RB1CC1: variants seen among roughly 807,000 people sequenced by gnomAD.
RB1CC1 encodes RB1 inducible coiled-coil 1.
In RB1CC1, 46 loss-of-function variants were observed where a neutral mutation model predicts 177.5. The observed-to-expected ratio is 0.26, with a 90% CI of 0.20 to 0.33. The LOEUF (loss-of-function observed/expected upper bound fraction) is 0.33, where lower values mean the gene tolerates loss of function less well. Among genes scored for constraint, RB1CC1 ranks in the 10% least tolerant of loss-of-function variants. The pLI is 1.00. For synonymous variants in RB1CC1, 666 were observed against 613.6 expected (o/e 1.09, Z -1.26); for missense variants, 1,703 against 1,816.3 (o/e 0.94, Z 1.13).
At chr8:52,695,024 A>C (rs949456196) in intron 1 of RB1CC1, among the ~76,000 whole-genome samples, 2 of 152,196 alleles carry the variant, frequency 1.3e-5, no homozygotes, top group African/African-American at 4.8e-5. Context: ...ACAATAGATA[A>C]ATAGGCAAAG....
At chr8:52,647,272 CATA>C (rs1850130768) in intron 15 of RB1CC1, among the ~76,000 whole-genome samples, 1 of 152,084 alleles carries the variant, frequency 6.6e-6, no homozygotes, top group Admixed American at 6.6e-5. Flanking sequence ...CAGTTTGAAA[CATA>C]ATATCTCTAT....
Position 52,657,204 on chromosome 8 carries a change from T to A in RB1CC1, c.2625A>T (p.Glu875Asp), listed in dbSNP as rs1395212981. ...CCTTTATTAGTCCGTCAAGTTTACC[T>A]TCATATTCATTTTTTAAAGACAGTA... ...KELLSLKNEYEGKLDGLIKET... is the reference protein window; with the variant it reads ...KELLSLKNEYDGKLDGLIKET... Residue 875 changes from glutamate to aspartate, a missense_variant, in exon 15 of 24, where the codon GAA (glutamate) becomes GAT (aspartate). Coordinates refer to ENST00000025008, the MANE Select transcript of RB1CC1 (RefSeq NM_014781.5). 1 of 1,598,418 alleles carries A rather than the reference T, an allele frequency of 6.3e-7. No homozygotes were observed. The highest frequency in any genetic ancestry group is 2.2e-5 in the East Asian group (1 of 44,732).
chr8:52,659,027 G>A (rs138822644), intron 12 of RB1CC1, 51 bp from the exon 13 acceptor site: 5 of 961,458 alleles, frequency 5.2e-6, no homozygotes, highest in Non-Finnish European at 7.5e-6. Flanking sequence ...ACCAAAAACA[G>A]ACAGCAAATT....
At chr8:52,652,791 C>T (rs1850728209) in intron 15 of RB1CC1, among the ~76,000 whole-genome samples, 2 of 151,678 alleles carry the variant, frequency 1.3e-5, no homozygotes, top group African/African-American at 4.8e-5. Flanking sequence ...GGCGTGGTGG[C>T]TCATGCCTAT....
At chr8:52,629,863 C>T (rs1848638363) in intron 21 of RB1CC1, among the ~76,000 whole-genome samples, 1 of 152,084 alleles carries the variant, frequency 6.6e-6, no homozygotes, top group Admixed American at 6.6e-5. Flanking sequence ...TGGACCAAAC[C>T]AACTTGTATC....
intron 5 of RB1CC1, among the ~76,000 whole-genome samples, chr8:52,680,290 A>G (rs1427874569): frequency 1.3e-5 from 2 of 152,230 alleles, no homozygotes; most frequent in African/African-American, 2.4e-5. Context: ...AGCTCAGGAA[A>G]TAAGTTAAAA....
intron 8 of RB1CC1, among the ~76,000 whole-genome samples, chr8:52,664,256 C>G (rs954313123): frequency 1.2e-4 from 19 of 152,154 alleles, no homozygotes; most frequent in African/African-American, 3.9e-4. Context: ...TTCAGGCACA[C>G]TCAATTGAAA....
intron 10 of RB1CC1, 40 bp downstream of exon 10, chr8:52,661,055 A>AT: frequency 1.2e-6 from 2 of 1,611,162 alleles, no homozygotes; most frequent in Non-Finnish European, 1.7e-6. Context: ...CCAATTCGTT[A>AT]AAGTTCATAT....
rs373240041 is a variant in RB1CC1 at position 52,656,666 on chromosome 8, C to T, written c.3163G>A (p.Asp1055Asn). 464 of 1,613,914 alleles carry T rather than the reference C, an allele frequency of 2.9e-4. 4 individuals are homozygous for T. The South Asian group carries it at 4.9e-3, about 17-fold the overall frequency. The change falls in exon 15 of 24, where the codon GAC (aspartate) becomes AAC (asparagine). Residue 1055 changes from aspartate (D) to asparagine (N), a missense_variant. Coordinates refer to ENST00000025008, the MANE Select transcript of RB1CC1 (RefSeq NM_014781.5). The part of the protein sequence containing the change: ...ELKLKVSDLS[D>N]TRCKLEVELA... ...TCAACCTCTAACTTGCATCTCGTGT[C>T]TGACAAATCAGAAACCTTGAGTTTT...
chr8:52,635,979 A>T (rs1849112311), intron 19 of RB1CC1, 36 bp downstream of exon 19: 1 of 1,600,660 alleles, frequency 6.2e-7, no homozygotes, highest in Non-Finnish European at 8.5e-7. Context: ...AAGTGAACAT[A>T]TTAAACATGG....
intron 1 of RB1CC1, among the ~76,000 whole-genome samples, chr8:52,693,310 C>CA (rs1855076877): frequency 6.6e-6 from 1 of 152,052 alleles, no homozygotes; most frequent in African/African-American, 2.4e-5. Context: ...CACAGCAAAA[C>CA]AAACTATCAT....
intron 22 of RB1CC1, among the ~76,000 whole-genome samples, chr8:52,625,122 A>G (rs546807276): frequency 6.6e-6 from 1 of 152,290 alleles, no homozygotes; most frequent in East Asian, 1.9e-4. Context: ...AGTGCCATCT[A>G]TTGAAAGAAC....
chr8:52,643,921 T>A (rs915644488), intron 16 of RB1CC1, among the ~76,000 whole-genome samples: 8 of 151,876 alleles, frequency 5.3e-5, no homozygotes, highest in African/African-American at 1.9e-4. Flanking sequence ...TTTAATAAAA[T>A]TTTAATAAAT....
At chr8:52,637,795 C>T (rs754585593) in intron 18 of RB1CC1, among the ~76,000 whole-genome samples, 67 of 152,168 alleles carry the variant, frequency 4.4e-4, no homozygotes, top group Non-Finnish European at 7.9e-4. Flanking sequence ...CTCAGCCTCC[C>T]ATGTAGCTGG....
chr8:52,680,740 T>C (rs1853619025), intron 5 of RB1CC1, among the ~76,000 whole-genome samples: 1 of 152,150 alleles, frequency 6.6e-6, no homozygotes, highest in Non-Finnish European at 1.5e-5. Context: ...CACGGATACA[T>C]GCAACAGCAT....
At chr8:52,673,131 AC>A (rs765709514) in intron 7 of RB1CC1, among the ~76,000 whole-genome samples, 1 of 152,188 alleles carries the variant, frequency 6.6e-6, no homozygotes, top group Non-Finnish European at 1.5e-5. Context: ...CTCTTCTTCG[AC>A]TGCATGCTCC....
At chr8:52,631,668 T>C (rs1380938669) in intron 20 of RB1CC1, among the ~76,000 whole-genome samples, 1 of 152,178 alleles carries the variant, frequency 6.6e-6, no homozygotes, top group Non-Finnish European at 1.5e-5. Context: ...CGGCCAACAT[T>C]GGTCCAAACT....
intron 20 of RB1CC1, among the ~76,000 whole-genome samples, chr8:52,632,843 G>A (rs1017393848): frequency 1.3e-5 from 2 of 152,128 alleles, no homozygotes; most frequent in African/African-American, 2.4e-5. Context: ...ACAAAAAACA[G>A]ACAGAACTTA....
intron 15 of RB1CC1, among the ~76,000 whole-genome samples, chr8:52,651,681 C>T (rs1441771885): frequency 2.0e-5 from 3 of 152,240 alleles, no homozygotes; most frequent in South Asian, 2.1e-4. Flanking sequence ...TACTTGTAGT[C>T]GTTTTCTTTC....
Sources: gnomAD v4.1 joint callset for allele counts (sites outside exome capture counted in the v4.1 genomes callset) on GRCh38, gnomAD v4.1.1 for gene constraint, MANE v1.5 for transcripts, NCBI Gene and HGNC (gene_info 2026-07-23, HGNC 2026-07-21) for gene names.